Variants in PKNOX1 observed in about 807,000 individuals in gnomAD.
The protein encoded by PKNOX1 is PBX/knotted 1 homeobox 1.
PKNOX1 carries 15 observed loss-of-function variants against 51.9 expected under a neutral mutation model. The ratio of observed to expected loss-of-function variants is 0.29; its 90% CI spans 0.19 to 0.45. PKNOX1 has a LOEUF of 0.45. Among genes scored for constraint, PKNOX1 ranks in the 20% least tolerant of loss-of-function variants. The pLI, the probability that PKNOX1 is intolerant of heterozygous loss-of-function variation, is 1.00. For synonymous variants in PKNOX1, 219 were observed against 211.1 expected, an observed-to-expected ratio of 1.04 and a Z score of -0.32; for missense variants, 462 against 547.5, an observed-to-expected ratio of 0.84 and a Z score of 1.56.
At chr21:42,982,353 T>C (rs2059031128) in intron 1 of PKNOX1, among the ~76,000 whole-genome samples, 1 of 152,226 alleles carries the variant, frequency 6.6e-6, no homozygotes, top group East Asian at 1.9e-4. Context: ...CGCATGTGTT[T>C]TGTTACATGT....
rs563928922 is a variant in PKNOX1 at position 43,000,576 on chromosome 21, G to A, written c.-56-3750G>A. Among the ~76,000 whole-genome samples, 53 of 152,212 alleles carry A rather than the reference G, an allele frequency of 3.5e-4. No homozygotes were observed. The South Asian group carries it at 9.5e-3, about 27-fold the overall frequency. On this transcript the variant is annotated intron_variant, in intron 1 of 10. Coordinates refer to ENST00000291547, the MANE Select transcript of PKNOX1 (RefSeq NM_004571.5). ...TCCCACTGGGTCCCTCCCACAACAC[G>A]TGGGAATTCAAGATGAGATTTGGGT...
At chr21:43,016,877 A>G in intron 5 of PKNOX1, 31 bp from the exon 6 acceptor site, 1 of 1,424,288 alleles carries the variant, frequency 7.0e-7, no homozygotes, top group Non-Finnish European at 9.8e-7. Context: ...TTTTCTAGTA[A>G]TTCCTTCAAC....
Position 43,027,970 on chromosome 21 carries a change from C to T in PKNOX1, c.927-732C>T, listed in dbSNP as rs73235409. Among the ~76,000 whole-genome samples, 998 of 152,322 alleles carry T rather than the reference C, an allele frequency of 6.6e-3. 5 individuals carry two copies. Among genetic ancestry groups the T allele is most frequent in the Non-Finnish European group, 1.0e-2 (679 of 68,026 alleles). ...CTGCCAGCCTGTGATTGTTGCTGCTCTCGTTCTCTGTGGAGTCTTATCACA... is the reference window on the plus strand; with the variant it reads ...CTGCCAGCCTGTGATTGTTGCTGCTTTCGTTCTCTGTGGAGTCTTATCACA... On this transcript the variant is annotated intron_variant, in intron 9 of 10. Coordinates refer to ENST00000291547, the MANE Select transcript of PKNOX1 (RefSeq NM_004571.5).
At position 43,030,307 on chromosome 21, in the gene PKNOX1, G is replaced by GC; in HGVS notation, c.*206_*207insC. On this transcript the variant is annotated 3_prime_UTR_variant, in exon 11 of 11. Coordinates refer to ENST00000291547, the MANE Select transcript of PKNOX1 (RefSeq NM_004571.5). Reference sequence around the variant, plus strand: ...TGTGTGTGTGTGCGTGTGTGCGTGTGTGTGGATTTTTAAAGAAATTCTTTA... The same window carrying GC: ...TGTGTGTGTGTGCGTGTGTGCGTGTGCTGTGGATTTTTAAAGAAATTCTTTA... 1 of 399,078 alleles carries GC rather than the reference G, an allele frequency of 2.5e-6. No individual in the cohort carries two copies. Among genetic ancestry groups the GC allele is most frequent in the Non-Finnish European group, 4.5e-6 (1 of 224,292 alleles). 24.7% of individuals were successfully genotyped at this position (399,078 alleles called of 1,614,324 possible).
intron 9 of PKNOX1, among the ~76,000 whole-genome samples, chr21:43,026,290 A>G (rs1979980619): frequency 6.6e-6 from 1 of 152,242 alleles, no homozygotes; most frequent in Non-Finnish European, 1.5e-5. Context: ...TAACAGTTTA[A>G]TAATATAACT....
At chr21:42,987,382 CAAAAAAAA>C (rs1181890321) in intron 1 of PKNOX1, among the ~76,000 whole-genome samples, 2 of 47,896 alleles carry the variant, frequency 4.2e-5, no homozygotes, top group Admixed American at 3.7e-4. Context: ...AACTCCCTCT[CAAAAAAAA>C]AAAAAAAAAA....
Position 43,021,243 on chromosome 21 carries a change from A to G in PKNOX1, c.721-60A>G. 7.2e-7 allele frequency: 1 copy of G among 1,397,390 alleles called. No individual in the cohort carries two copies. Among genetic ancestry groups the G allele is most frequent in the South Asian group, 1.3e-5 (1 of 75,130 alleles). The allele number at this position is 1,397,390 out of a possible 1,614,324, so 86.6% of individuals were successfully genotyped here. On this transcript the variant is annotated intron_variant, in intron 7 of 10. Transcript: ENST00000291547. This position sits in a 1 kb window ranked among gnomAD's most constrained non-coding sequence, Gnocchi z 4.6. ...GGCTGTTTTCTCCACCTGCAGTTGT[A>G]AGTACTTGGATATGTGAGAATTTCC... is the stretch of plus-strand genomic sequence containing the variant.
At chr21:42,999,655 A>G (rs1978661146) in intron 1 of PKNOX1, among the ~76,000 whole-genome samples, 1 of 151,646 alleles carries the variant, frequency 6.6e-6, no homozygotes, top group Non-Finnish European at 1.5e-5. Context: ...TAATTTTCGT[A>G]TTTTTAGTAG....
intron 4 of PKNOX1, among the ~76,000 whole-genome samples, chr21:43,011,811 G>C (rs1979267638): frequency 6.6e-6 from 1 of 152,168 alleles, no homozygotes; most frequent in African/African-American, 2.4e-5. Context: ...AGATTTTGTG[G>C]GTGAGTTATC....
At chr21:42,979,370 G>A (rs1378049857) in intron 1 of PKNOX1, among the ~76,000 whole-genome samples, 1 of 152,214 alleles carries the variant, frequency 6.6e-6, no homozygotes, top group Non-Finnish European at 1.5e-5. Flanking sequence ...TCTTCATACA[G>A]GGTTGCCACA....
Position 43,031,549 on chromosome 21 carries a change from G to A in PKNOX1, c.*1448G>A, listed in dbSNP as rs1980271538. 6.6e-6 allele frequency: 1 copy of A among 152,236 alleles called. No individual in the cohort carries two copies. Among genetic ancestry groups the A allele is most frequent in the South Asian group, 2.1e-4 (1 of 4,836 alleles). The allele number at this position is 152,236 out of a possible 1,614,324, so 9.4% of individuals were successfully genotyped here. On this transcript the variant is annotated 3_prime_UTR_variant, in exon 11 of 11. Coordinates refer to ENST00000291547, the MANE Select transcript of PKNOX1 (RefSeq NM_004571.5). ...TGATTTGTTTTCATTGTTTACTTAG[G>A]AGTGGTGCTTTTTCTCAGAAAACAG...
chr21:42,999,684 T>C (rs1307023946), intron 1 of PKNOX1, among the ~76,000 whole-genome samples: 1 of 152,080 alleles, frequency 6.6e-6, no homozygotes, highest in Non-Finnish European at 1.5e-5. Context: ...TTTCTCCATG[T>C]TGGTCAGGCT....
intron 1 of PKNOX1, among the ~76,000 whole-genome samples, chr21:42,978,618 G>A (rs2059010785): frequency 6.6e-6 from 1 of 151,332 alleles, no homozygotes; most frequent in Non-Finnish European, 1.5e-5. Flanking sequence ...CAAGTAGTTG[G>A]GACTACAGAC....
chr21:42,994,615 A>G (rs1034158629), intron 1 of PKNOX1, among the ~76,000 whole-genome samples: 1 of 151,858 alleles, frequency 6.6e-6, no homozygotes, highest in African/African-American at 2.4e-5. Context: ...TTCAACAGTT[A>G]TTGTTATCTG....
At chr21:42,976,572 G>A (rs897711161) in intron 1 of PKNOX1, among the ~76,000 whole-genome samples, 6 of 152,236 alleles carry the variant, frequency 3.9e-5, no homozygotes, top group Non-Finnish European at 5.9e-5. Context: ...CCACTAAGTT[G>A]ATGTGATATT....
At chr21:43,029,844 C>T in intron 10 of PKNOX1, 46 bp from the exon 11 acceptor site, 1 of 1,526,600 alleles carries the variant, frequency 6.6e-7, no homozygotes, top group Admixed American at 1.7e-5. Flanking sequence ...AAGTGTTTTT[C>T]TGTGAGTACT....
At position 43,030,258 on chromosome 21, in the gene PKNOX1, CAAGTGTGTGTGTGTGTGT is replaced by C. The variant is rs1980198341; in HGVS notation, c.*158_*175del. 1.8e-6 allele frequency: 1 copy of C among 549,932 alleles called. No homozygotes were observed. The highest frequency in any genetic ancestry group is 2.4e-5 in the African/African-American group (1 of 41,782). The allele number at this position is 549,932 out of a possible 1,614,324, so 34.1% of individuals were successfully genotyped here. A position where few individuals can be genotyped will look rare whatever the true frequency, so the allele number is the denominator to read the frequency against. ...TCTTTGCCGGTGCAGCGACTTCTTT[CAAGTGTGTGTGTGTGTGT>C]GTGTGTGTGTGTGTGTGCGTGTGTG... On this transcript the variant is annotated 3_prime_UTR_variant, in exon 11 of 11. Transcript: ENST00000291547.
chr21:42,976,220 T>A (rs992242286), intron 1 of PKNOX1, among the ~76,000 whole-genome samples: 2 of 152,192 alleles, frequency 1.3e-5, no homozygotes, highest in African/African-American at 4.8e-5. Flanking sequence ...GTATACTACT[T>A]AAAGTGTGCA....
At chr21:43,002,410 T>A (rs9984050) in intron 1 of PKNOX1, among the ~76,000 whole-genome samples, 9 of 35,554 alleles carry the variant, frequency 2.5e-4, no homozygotes, top group South Asian at 1.0e-3. Flanking sequence ...CTGTGCCCCC[T>A]CCCTTGTATC....
Sources: allele counts gnomAD v4.1 joint callset (sites outside exome capture counted in the v4.1 genomes callset), GRCh38; gene constraint gnomAD v4.1.1; non-coding constraint Gnocchi (gnomAD v3.1); transcripts MANE v1.5; gene names NCBI Gene and HGNC (gene_info 2026-07-23, HGNC 2026-07-21).